The following CELF2 variants were observed in gnomAD, a reference collection of about 807,000 sequenced individuals.
CELF2 encodes the protein CUGBP Elav-like family member 2, also known as CUG triplet repeat RNA-binding protein 2.
Under a neutral mutation model 62.6 loss-of-function variants are expected in CELF2, and 8 were observed. The observed-to-expected ratio is 0.13, with a 90% confidence interval of 0.07 to 0.23. CELF2 has a LOEUF of 0.23. Ranked by LOEUF, CELF2 falls within the 10% of genes least tolerant of loss-of-function variation. The probability of loss-of-function intolerance (pLI) is 1.00; values close to 1 mark genes in which losing one functional copy is unlikely to be tolerated. For synonymous variants in CELF2, 258 were observed against 250.0 expected (o/e 1.03, Z -0.30); for missense variants, 333 against 671.0 (o/e 0.50, Z 5.56).
In CELF2 at chr10:11,165,693, C is replaced by CG. The variant is rs1565032899; in HGVS notation, c.271+15dup. 6.2e-7 allele frequency: 1 copy of CG among 1,603,994 alleles called. No individual in the cohort carries two copies. Among genetic ancestry groups the CG allele is most frequent in the Admixed American group, 1.7e-5 (1 of 58,596 alleles). On this transcript the variant is annotated intron_variant, in intron 2 of 12. Transcript: ENST00000633077. The surrounding 1 kb of genome is among the most constrained non-coding windows in gnomAD (Gnocchi z 7.4). ...CTCCGCAGAGTAAAGGTACAGAGCG[C>CG]GGGGCGGGGGTCGCCAGGCGTCCAG... is the stretch of plus-strand genomic sequence containing the variant.
chr10:11,019,510 T>C (rs182943710), intron 1 of CELF2, among the ~76,000 whole-genome samples: 3 of 152,284 alleles, frequency 2.0e-5, no homozygotes, highest in Non-Finnish European at 4.4e-5. Context: ...ATTCTTTTTC[T>C]AGCATGTTAA....
chr10:10,831,520 T>C (rs539381501), intron 1 of CELF2, among the ~76,000 whole-genome samples: 1 of 152,334 alleles, frequency 6.6e-6, no homozygotes, highest in African/African-American at 2.4e-5. Flanking sequence ...TTTCTGGACT[T>C]GTCCCTAGGG....
the CELF2 span, among the ~76,000 whole-genome samples, chr10:10,577,367 A>T: frequency 2.8e-4 from 38 of 137,062 alleles, no homozygotes; most frequent in African/African-American, 7.0e-4. Flanking sequence ...AAATCTTTTT[A>T]TTATTATTAT....
At chr10:10,795,761 G>C (rs1335094990), upstream of CELF2, among the ~76,000 whole-genome samples, 1 of 151,786 alleles carries the variant, frequency 6.6e-6, no homozygotes, top group Non-Finnish European at 1.5e-5. Flanking sequence ...TTAAGAAAAA[G>C]GCAAAATATT....
At chr10:11,136,330 C>G (rs1163549896) in intron 1 of CELF2, among the ~76,000 whole-genome samples, 1 of 152,270 alleles carries the variant, frequency 6.6e-6, no homozygotes, top group East Asian at 1.9e-4. Flanking sequence ...TGGCCGGGCC[C>G]GGTGGCTCAC....
chr10:11,259,546 A>G (rs1234035279), intron 5 of CELF2, among the ~76,000 whole-genome samples: 2 of 152,190 alleles, frequency 1.3e-5, no homozygotes, highest in Admixed American at 6.5e-5. Context: ...TGAACAAGTC[A>G]CTGTATTGAG....
chr10:10,922,221 G>A (rs1206918212), intron 2 of CELF2, among the ~76,000 whole-genome samples: 1 of 152,098 alleles, frequency 6.6e-6, no homozygotes, highest in East Asian at 1.9e-4. Flanking sequence ...CCAGTTTTCA[G>A]GGTTAAAACT....
rs1445123975 is a variant in CELF2 at position 11,318,270 on chromosome 10, A to G, written c.1097-2919A>G. On this transcript the variant is annotated intron_variant, in intron 10 of 12. Transcript: ENST00000633077. The surrounding 1 kb of genome is among the most constrained non-coding windows in gnomAD (Gnocchi z 5.4). ...TTTTCCACGATAGTTGTGGTTTAAA[A>G]TATTCTCAGTGTGCTGGTACTTGTT... 3 of 155,788 alleles carry G rather than the reference A, an allele frequency of 1.9e-5. No homozygotes were observed. The highest frequency in any genetic ancestry group is 7.2e-5 in the African/African-American group (3 of 41,466). The allele number at this position is 155,788 out of a possible 1,614,324, so 9.7% of individuals were successfully genotyped here. A position where few individuals can be genotyped will look rare whatever the true frequency, so the allele number is the denominator to read the frequency against.
At chr10:10,493,994 C>T in the CELF2 span, among the ~76,000 whole-genome samples, 3 of 152,290 alleles carry the variant, frequency 2.0e-5, no homozygotes, top group Admixed American at 6.5e-5. Context: ...CCCCGGTGAC[C>T]TCATGGTTCT....
At chr10:10,645,122 A>G in the CELF2 span, among the ~76,000 whole-genome samples, 2 of 152,172 alleles carry the variant, frequency 1.3e-5, no homozygotes, top group South Asian at 2.1e-4. Flanking sequence ...GTAGGGTGCC[A>G]TGTAGCTTGC....
the CELF2 span, among the ~76,000 whole-genome samples, chr10:10,534,199 GA>G: frequency 4.4e-5 from 6 of 136,384 alleles, no homozygotes; most frequent in Admixed American, 7.9e-5. Flanking sequence ...CAGATTCGAA[GA>G]GGTGAGGAGT....
chr10:11,197,008 G>GAAAGAAGGAAAGA (rs2057776073), intron 2 of CELF2, among the ~76,000 whole-genome samples: 1 of 11,636 alleles, frequency 8.6e-5, no homozygotes, highest in African/African-American at 5.2e-4. Context: ...GAAGGAGAAA[G>GAAAGAAGGAAAGA]AAAGAAAGAA....
At chr10:10,471,985 C>A in the CELF2 span, among the ~76,000 whole-genome samples, 5 of 151,802 alleles carry the variant, frequency 3.3e-5, no homozygotes, top group African/African-American at 4.8e-5. Context: ...CCTTCTTCTC[C>A]TGTAATTAAT....
chr10:10,536,940 G>A, the CELF2 span, among the ~76,000 whole-genome samples: 2 of 152,214 alleles, frequency 1.3e-5, no homozygotes, highest in Non-Finnish European at 2.9e-5. Flanking sequence ...ACTGGCTAGT[G>A]TTGCTGGGGC....
Position 11,268,095 on chromosome 10 carries a change from C to T in CELF2, c.618+1418C>T, listed in dbSNP as rs1411292405. 2.0e-5 allele frequency among the ~76,000 whole-genome samples: 3 copies of T among 152,106 alleles called. No individual in the cohort carries two copies. Among genetic ancestry groups the T allele is most frequent in the Non-Finnish European group, 4.4e-5 (3 of 68,014 alleles). ...TAATCTTGTCTGACACGCAGTTACACGTGTGATGGCGTTTTGCTTCCCTCT... is the reference window on the plus strand; with the variant it reads ...TAATCTTGTCTGACACGCAGTTACATGTGTGATGGCGTTTTGCTTCCCTCT... On this transcript the variant is annotated intron_variant, in intron 6 of 12. Coordinates refer to ENST00000633077, the MANE Select transcript of CELF2 (RefSeq NM_001326342.2). This position sits in a 1 kb window ranked among gnomAD's most constrained non-coding sequence, Gnocchi z 4.7.
the CELF2 span, among the ~76,000 whole-genome samples, chr10:10,483,846 C>T: frequency 1.3e-5 from 2 of 151,900 alleles, no homozygotes; most frequent in Admixed American, 6.6e-5. Flanking sequence ...AGAAAGCCTG[C>T]TTGCCTGCCT....
intron 9 of CELF2, among the ~76,000 whole-genome samples, chr10:11,293,899 G>T (rs542630433): frequency 1.3e-5 from 2 of 152,254 alleles, no homozygotes; most frequent in African/African-American, 4.8e-5. Flanking sequence ...CTCTAAGGAG[G>T]CAGCTAAATC....
chr10:11,224,844 C>T lies in CELF2; in HGVS notation c.354+7337C>T, dbSNP rs1195376662. 6.6e-6 allele frequency among the ~76,000 whole-genome samples: 1 copy of T among 152,050 alleles called. No individual in the cohort carries two copies. The highest frequency in any genetic ancestry group is 1.5e-5 in the Non-Finnish European group (1 of 68,000). ...CATGGGTAGATGTGGAGAGAGTTCTCCCAGGAACACCAAGGTTCTTCCCCC... is the reference window on the plus strand; with the variant it reads ...CATGGGTAGATGTGGAGAGAGTTCTTCCAGGAACACCAAGGTTCTTCCCCC... On this transcript the variant is annotated intron_variant, in intron 3 of 12. Coordinates refer to ENST00000633077, the MANE Select transcript of CELF2 (RefSeq NM_001326342.2). This position sits in a 1 kb window ranked among gnomAD's most constrained non-coding sequence, Gnocchi z 4.5.
chr10:10,999,455 G>A (rs576170949), intron 2 of CELF2, among the ~76,000 whole-genome samples: 27 of 152,292 alleles, frequency 1.8e-4, no homozygotes, highest in African/African-American at 5.3e-4. Flanking sequence ...AGAGCTATGC[G>A]ATGAGCATGG....
Sources: gnomAD v4.1 joint callset for allele counts (sites outside exome capture counted in the v4.1 genomes callset) on GRCh38, gnomAD v4.1.1 for gene constraint, Gnocchi (gnomAD v3.1) non-coding constraint, MANE v1.5 for transcripts, NCBI Gene and HGNC (gene_info 2026-07-23, HGNC 2026-07-21) for gene names.